ZBTB7C: variants seen among roughly 807,000 people sequenced by gnomAD.
The protein encoded by ZBTB7C is zinc finger and BTB domain-containing protein 7C.
In ZBTB7C, 8 loss-of-function variants were observed where a neutral mutation model predicts 25.7. The observed-to-expected ratio is 0.31, with a 90% CI of 0.18 to 0.56. ZBTB7C has a LOEUF of 0.56. Among genes scored for constraint, ZBTB7C ranks in the 20% least tolerant of loss-of-function variants. The pLI, the probability that ZBTB7C is intolerant of heterozygous loss-of-function variation, is 0.91. For missense variants in ZBTB7C, 824 were observed against 855.2 expected, an observed-to-expected ratio of 0.96 and a Z score of 0.46; for synonymous variants, 394 against 369.0, an observed-to-expected ratio of 1.07 and a Z score of -0.78.
At chr18:48,069,087 C>T (rs2037446169) in intron 3 of ZBTB7C, among the ~76,000 whole-genome samples, 1 of 152,204 alleles carries the variant, frequency 6.6e-6, no homozygotes, top group Admixed American at 6.5e-5. Context: ...CCTCCAACCA[C>T]CTTGGTATCC....
intron 3 of ZBTB7C, among the ~76,000 whole-genome samples, chr18:48,155,537 G>A (rs1025200632): frequency 2.9e-5 from 4 of 139,916 alleles, no homozygotes; most frequent in South Asian, 2.1e-4. Context: ...GGGTTTCACC[G>A]CATTAGCCAG....
intron 3 of ZBTB7C, among the ~76,000 whole-genome samples, chr18:48,114,084 C>T (rs1299281963): frequency 3.9e-5 from 6 of 152,088 alleles, no homozygotes; most frequent in African/African-American, 1.4e-4. Context: ...GGTTTGGACT[C>T]CATTTACAGA....
intron 2 of ZBTB7C, among the ~76,000 whole-genome samples, chr18:48,255,408 G>T (rs72907424): frequency 1.1e-4 from 16 of 152,158 alleles, no homozygotes; most frequent in South Asian, 8.3e-4. Flanking sequence ...ATTTCTAAGA[G>T]GCCATTGGTT....
intron 2 of ZBTB7C, among the ~76,000 whole-genome samples, chr18:48,190,878 C>G (rs560017475): frequency 2.6e-5 from 4 of 152,168 alleles, no homozygotes; most frequent in African/African-American, 4.8e-5. Flanking sequence ...ATCTTCCCCC[C>G]ACCACCCAAT....
intron 3 of ZBTB7C, among the ~76,000 whole-genome samples, chr18:48,137,993 C>T (rs1265136495): frequency 6.6e-6 from 1 of 152,262 alleles, no homozygotes; most frequent in Non-Finnish European, 1.5e-5. Context: ...ACTGACTGGT[C>T]ACCTGGAGGA....
Position 48,032,422 on chromosome 18 carries a change from G to GTTT in ZBTB7C, c.1209-2514_1209-2512dup, listed in dbSNP as rs71165309. 1.3e-3 allele frequency among the ~76,000 whole-genome samples: 83 copies of GTTT among 65,096 alleles called. 9 individuals carry two copies. The highest frequency in any genetic ancestry group is 3.0e-3 in the African/African-American group (48 of 15,768). The allele number at this position is 65,096 out of a possible 152,430, so 42.7% of individuals were successfully genotyped here. On this transcript the variant is annotated intron_variant, in intron 4 of 4. Transcript: ENST00000590800. ...GAGCCACTGTGCCCGGACAAGGTAG[G>GTTT]TTTTTTTTTTTTTTTTTTTTTTTTT...
At chr18:48,266,642 G>C (rs1484758005) in intron 2 of ZBTB7C, among the ~76,000 whole-genome samples, 2 of 152,156 alleles carry the variant, frequency 1.3e-5, no homozygotes, top group Non-Finnish European at 2.9e-5. Context: ...AACCCCCCTA[G>C]CATCCGTACC....
chr18:48,073,063 T>C (rs9963868), intron 3 of ZBTB7C, among the ~76,000 whole-genome samples: 55,814 of 152,016 alleles, frequency 0.37, 10,553 homozygotes, highest in African/African-American at 0.45. Flanking sequence ...CAGGAACCAA[T>C]GTGGAAACCA....
intron 3 of ZBTB7C, chr18:48,147,605 A>G (rs1452670486): frequency 6.9e-6 from 1 of 145,860 alleles, no homozygotes; most frequent in Non-Finnish European, 1.5e-5. Context: ...AACTCACAAC[A>G]TTTACATTAT....
At chr18:48,288,224 G>A (rs553348117) in intron 2 of ZBTB7C, among the ~76,000 whole-genome samples, 1 of 152,358 alleles carries the variant, frequency 6.6e-6, no homozygotes, top group South Asian at 2.1e-4. Context: ...TGGACTGAAT[G>A]TTTATGTCCC....
intron 2 of ZBTB7C, among the ~76,000 whole-genome samples, chr18:48,214,721 C>T (rs1428849757): frequency 6.6e-6 from 1 of 152,220 alleles, no homozygotes; most frequent in Non-Finnish European, 1.5e-5. Flanking sequence ...AAGCCAAGAA[C>T]CCCAATTTTG....
chr18:48,042,149 T>C lies in ZBTB7C; in HGVS notation c.-16-1026A>G, dbSNP rs377309033. 9.7e-4 allele frequency among the ~76,000 whole-genome samples: 148 copies of C among 152,248 alleles called. 2 individuals are homozygous for C. Among genetic ancestry groups the C allele is most frequent in the African/African-American group, 3.3e-3 (137 of 41,510 alleles). ...GGTAGGGGCGTCCAAGGAGAGAATA[T>C]AGTCATGGGTTGTTTGTTAGTTTCT... On this transcript the variant is annotated intron_variant, in intron 3 of 4. Coordinates refer to ENST00000590800, the MANE Select transcript of ZBTB7C (RefSeq NM_001318841.2).
intron 3 of ZBTB7C, among the ~76,000 whole-genome samples, chr18:48,067,301 G>A (rs1032242037): frequency 2.6e-5 from 4 of 152,076 alleles, no homozygotes; most frequent in African/African-American, 7.2e-5. Flanking sequence ...AAACAGCAAC[G>A]GAGGAACCAG....
intron 1 of ZBTB7C, among the ~76,000 whole-genome samples, chr18:48,406,927 C>G (rs1326379368): frequency 6.6e-6 from 1 of 152,212 alleles, no homozygotes; most frequent in Non-Finnish European, 1.5e-5. Context: ...CATTCAATTC[C>G]TTCCTGCTCA....
intron 3 of ZBTB7C, among the ~76,000 whole-genome samples, chr18:48,178,110 G>A (rs1177718449): frequency 6.6e-6 from 1 of 152,086 alleles, no homozygotes; most frequent in East Asian, 1.9e-4. Flanking sequence ...ACTGCACTGG[G>A]TCTTGAGAGT....
At chr18:48,039,136 G>GATTTCAA (rs1442662990) in intron 4 of ZBTB7C, among the ~76,000 whole-genome samples, 1 of 152,204 alleles carries the variant, frequency 6.6e-6, no homozygotes, top group Non-Finnish European at 1.5e-5. Context: ...ATAATGTATT[G>GATTTCAA]ATTTCAAATT....
intron 2 of ZBTB7C, among the ~76,000 whole-genome samples, chr18:48,197,166 A>G (rs957866848): frequency 6.6e-5 from 10 of 152,204 alleles, no homozygotes; most frequent in African/African-American, 1.4e-4. Flanking sequence ...TTTTGTTACC[A>G]TAAGAAGTCC....
intron 2 of ZBTB7C, among the ~76,000 whole-genome samples, chr18:48,334,048 T>A (rs1010144029): frequency 2.6e-5 from 4 of 152,064 alleles, no homozygotes. Flanking sequence ...CCATTCCCTA[T>A]CACAGAATCC....
chr18:48,232,113 A>T (rs1051102486), intron 2 of ZBTB7C, among the ~76,000 whole-genome samples: 1 of 152,232 alleles, frequency 6.6e-6, no homozygotes, highest in Admixed American at 6.5e-5. Context: ...GGGCAAAACG[A>T]GCCCAGGAGG....
Sources: allele counts gnomAD v4.1 joint callset (sites outside exome capture counted in the v4.1 genomes callset), GRCh38; gene constraint gnomAD v4.1.1; transcripts MANE v1.5; gene names NCBI Gene and HGNC (gene_info 2026-07-23, HGNC 2026-07-21).